KHDRBS2: variants seen among roughly 807,000 people sequenced by gnomAD.
The protein encoded by KHDRBS2 is KH domain-containing, RNA-binding, signal transduction-associated protein 2.
Under a neutral mutation model 44.3 loss-of-function variants are expected in KHDRBS2, and 26 were observed. That is an observed-to-expected ratio of 0.59 (90% confidence interval 0.43 to 0.81). KHDRBS2 has a LOEUF of 0.81. Among genes scored for constraint, KHDRBS2 ranks in the 40% least tolerant of loss-of-function variants. The pLI, the probability that KHDRBS2 is intolerant of heterozygous loss-of-function variation, is 0.00. For missense variants in KHDRBS2, 476 were observed against 433.1 expected (o/e 1.10, Z -0.88); for synonymous variants, 194 against 151.1 (o/e 1.28, Z -2.08).
intron 1 of KHDRBS2, among the ~76,000 whole-genome samples, chr6:62,285,381 TTC>T (rs1842344820): frequency 6.6e-6 from 1 of 152,198 alleles, no homozygotes; most frequent in Admixed American, 6.5e-5. Flanking sequence ...CATAGGTTAA[TTC>T]TAACACTTTC....
intron 6 of KHDRBS2, among the ~76,000 whole-genome samples, chr6:61,739,624 T>C (rs1775868163): frequency 6.6e-6 from 1 of 151,950 alleles, no homozygotes; most frequent in Non-Finnish European, 1.5e-5. Context: ...AAAATCTGCA[T>C]AATTAACATT....
At chr6:62,279,436 G>A (rs1841484042) in intron 1 of KHDRBS2, among the ~76,000 whole-genome samples, 1 of 152,146 alleles carries the variant, frequency 6.6e-6, no homozygotes, top group Admixed American at 6.5e-5. Flanking sequence ...TATGAGGTCA[G>A]CATCATTCAG....
At chr6:61,551,777 G>A in the KHDRBS2 span, among the ~76,000 whole-genome samples, 1 of 152,128 alleles carries the variant, frequency 6.6e-6, no homozygotes, top group African/African-American at 2.4e-5. Flanking sequence ...TTGTAATATA[G>A]TTTGAAATTG....
At chr6:62,208,831 A>G (rs1431562355) in intron 1 of KHDRBS2, among the ~76,000 whole-genome samples, 1 of 152,170 alleles carries the variant, frequency 6.6e-6, no homozygotes, top group Non-Finnish European at 1.5e-5. Context: ...TCTGATGATT[A>G]GTGACGTTGA....
At chr6:61,651,459 G>T in the KHDRBS2 span, among the ~76,000 whole-genome samples, 1 of 152,032 alleles carries the variant, frequency 6.6e-6, no homozygotes, top group African/African-American at 2.4e-5. Context: ...CATTTTGACT[G>T]CAACTAGTCA....
At chr6:62,272,821 A>G (rs1346527872) in intron 1 of KHDRBS2, among the ~76,000 whole-genome samples, 1 of 152,152 alleles carries the variant, frequency 6.6e-6, no homozygotes, top group Non-Finnish European at 1.5e-5. Context: ...AGTTTTGTAA[A>G]AGGATGTTCC....
rs1255462841 is a variant in KHDRBS2 at position 62,092,179 on chromosome 6, G to A, written c.220-44185C>T. 3.3e-5 allele frequency among the ~76,000 whole-genome samples: 5 copies of A among 151,494 alleles called. No homozygotes were observed. The East Asian group carries it at 9.7e-4, about 29-fold the overall frequency. ...CTCTCTACCATTTCCAGCAACCTGA[G>A]ACTCTTGTTCATTCCCCTTCATGTC... On this transcript the variant is annotated intron_variant, in intron 2 of 8. Transcript: ENST00000281156.
intron 2 of KHDRBS2, among the ~76,000 whole-genome samples, chr6:62,113,512 C>T (rs529126389): frequency 6.2e-4 from 95 of 152,170 alleles, no homozygotes; most frequent in African/African-American, 2.2e-3. Context: ...TCTAAACTCC[C>T]TGAGAGAAAC....
rs1187836509 is a variant in KHDRBS2 at position 61,739,791 on chromosome 6, A to C, written c.811-7027T>G. ...TGAAAACAGACTTGGGAAGAGGTGAACATTAGCACACCATTATATGTTATT... is the reference window on the plus strand; with the variant it reads ...TGAAAACAGACTTGGGAAGAGGTGACCATTAGCACACCATTATATGTTATT... On this transcript the variant is annotated intron_variant, in intron 6 of 8. Coordinates refer to ENST00000281156, the MANE Select transcript of KHDRBS2 (RefSeq NM_152688.4). Among the ~76,000 whole-genome samples, 7 of 152,036 alleles carry C rather than the reference A, an allele frequency of 4.6e-5. 1 individual carries two copies. In the East Asian group the frequency reaches 1.2e-3, roughly 25 times the overall value.
chr6:62,171,496 C>A (rs771493337), intron 2 of KHDRBS2, among the ~76,000 whole-genome samples: 4 of 152,038 alleles, frequency 2.6e-5, no homozygotes, highest in Non-Finnish European at 5.9e-5. Context: ...AAGCAAGCAA[C>A]TTGGAAAATG....
At position 62,250,600 on chromosome 6, in the gene KHDRBS2, G is replaced by T. The variant is rs1836353934; in HGVS notation, c.91+35258C>A. ...CCTTGCTTTTAGCAAAATGTTGAAG[G>T]CTGGCTGGTATATGTGGAGGGAGTG... On this transcript the variant is annotated intron_variant, in intron 1 of 8. Coordinates refer to ENST00000281156, the MANE Select transcript of KHDRBS2 (RefSeq NM_152688.4). 4.6e-5 allele frequency among the ~76,000 whole-genome samples: 7 copies of T among 151,886 alleles called. No individual in the cohort carries two copies. The South Asian group carries it at 1.5e-3, about 31-fold the overall frequency.
chr6:62,254,290 T>G (rs148349829), intron 1 of KHDRBS2, among the ~76,000 whole-genome samples: 1 of 152,182 alleles, frequency 6.6e-6, no homozygotes, highest in Non-Finnish European at 1.5e-5. Flanking sequence ...CTGTACCCAC[T>G]ATTTCATTCA....
chr6:62,055,795 G>A (rs1345991307), intron 2 of KHDRBS2, among the ~76,000 whole-genome samples: 7 of 151,956 alleles, frequency 4.6e-5, no homozygotes, highest in African/African-American at 1.7e-4. Context: ...ATCACATTTG[G>A]AAGACGGACA....
At chr6:62,047,050 C>T (rs1461266666) in intron 3 of KHDRBS2, among the ~76,000 whole-genome samples, 1 of 151,868 alleles carries the variant, frequency 6.6e-6, no homozygotes, top group East Asian at 1.9e-4. Flanking sequence ...AGATGCAGGA[C>T]TCCTGAGCAA....
Position 62,174,190 on chromosome 6 carries a change from T to G in KHDRBS2, c.219+2995A>C, listed in dbSNP as rs186604616. 4.6e-5 allele frequency among the ~76,000 whole-genome samples: 7 copies of G among 152,020 alleles called. No individual in the cohort carries two copies. The East Asian group carries it at 1.3e-3, about 29-fold the overall frequency. On this transcript the variant is annotated intron_variant, in intron 2 of 8. Transcript: ENST00000281156. ...GTCTCTTCTCAAAAGCTCCTAGATC[T>G]GATAAGGAACTTAAGCTAAGTTTCA...
chr6:61,895,620 T>C (rs893619163), intron 5 of KHDRBS2, among the ~76,000 whole-genome samples: 1 of 152,246 alleles, frequency 6.6e-6, no homozygotes, highest in African/African-American at 2.4e-5. Flanking sequence ...ATCAAATGGT[T>C]GTGGCCAATT....
chr6:62,235,922 A>G (rs1412962244), intron 1 of KHDRBS2, among the ~76,000 whole-genome samples: 2 of 152,082 alleles, frequency 1.3e-5, no homozygotes, highest in Non-Finnish European at 2.9e-5. Flanking sequence ...ATCTCAGGTA[A>G]ATCACATTAT....
intron 6 of KHDRBS2, chr6:61,814,083 A>G: frequency 2.2e-6 from 1 of 455,740 alleles, no homozygotes. Context: ...GTGGCTGAAA[A>G]TTTATACTAG....
chr6:61,619,874 A>C, the KHDRBS2 span, among the ~76,000 whole-genome samples: 1,303 of 152,308 alleles, frequency 8.6e-3, 21 homozygotes, highest in African/African-American at 0.029. Context: ...TTGTGCTTCT[A>C]TAAACATATA....
Sources: gnomAD v4.1 joint callset for allele counts (sites outside exome capture counted in the v4.1 genomes callset) on GRCh38, gnomAD v4.1.1 for gene constraint, MANE v1.5 for transcripts, NCBI Gene and HGNC (gene_info 2026-07-23, HGNC 2026-07-21) for gene names.